Variants in SEMA3E observed in about 807,000 individuals in gnomAD.
The protein encoded by SEMA3E is semaphorin 3E.
Under a neutral mutation model 93.6 loss-of-function variants are expected in SEMA3E, and 49 were observed. The ratio of observed to expected loss-of-function variants is 0.52; its 90% CI spans 0.42 to 0.66. The LOEUF is 0.66. SEMA3E is among the 30% of genes least tolerant of loss of function. SEMA3E has a pLI of 0.00. For missense variants in SEMA3E, 906 were observed against 964.8 expected (o/e 0.94, Z 0.81); for synonymous variants, 363 against 330.7 (o/e 1.10, Z -1.06).
Position 83,411,028 on chromosome 7 carries a change from C to T in SEMA3E, c.551-2541G>A, listed in dbSNP as rs115219566. On this transcript the variant is annotated intron_variant, in intron 5 of 16. Coordinates refer to ENST00000643230, the MANE Select transcript of SEMA3E (RefSeq NM_012431.3). ...ATTTTATATCTTAAAGTATTTTAGACTTTGATAATTGAAAATATTTTTATG... is the reference window on the plus strand; with the variant it reads ...ATTTTATATCTTAAAGTATTTTAGATTTTGATAATTGAAAATATTTTTATG... 4.1e-3 allele frequency among the ~76,000 whole-genome samples: 625 copies of T among 151,872 alleles called. 7 individuals carry two copies. The highest frequency in any genetic ancestry group is 0.014 in the African/African-American group (598 of 41,438).
At chr7:83,631,318 G>A (rs2115673635) in intron 1 of SEMA3E, among the ~76,000 whole-genome samples, 1 of 152,064 alleles carries the variant, frequency 6.6e-6, no homozygotes, top group South Asian at 2.1e-4. Context: ...GACATTTATT[G>A]GTCTACATCA....
intron 4 of SEMA3E, among the ~76,000 whole-genome samples, chr7:83,446,568 A>C (rs1789234881): frequency 2.0e-5 from 3 of 152,218 alleles, no homozygotes; most frequent in Admixed American, 6.5e-5. Context: ...TGAAGATCAA[A>C]TTGAAAGAGT....
chr7:83,606,380 A>C (rs1381806470), intron 1 of SEMA3E, among the ~76,000 whole-genome samples: 1 of 152,002 alleles, frequency 6.6e-6, no homozygotes, highest in African/African-American at 2.4e-5. Context: ...CAACAATGAT[A>C]GACTGGATTA....
intron 1 of SEMA3E, among the ~76,000 whole-genome samples, chr7:83,541,013 C>T (rs1377680211): frequency 1.3e-5 from 2 of 152,100 alleles, no homozygotes; most frequent in Non-Finnish European, 2.9e-5. Context: ...AGATGAGTTG[C>T]CAAGATCCTC....
intron 1 of SEMA3E, among the ~76,000 whole-genome samples, chr7:83,579,131 AGTTAT>A (rs1792468781): frequency 6.6e-6 from 1 of 152,158 alleles, no homozygotes; most frequent in African/African-American, 2.4e-5. Flanking sequence ...TGAATTGAGT[AGTTAT>A]GTTAGGTTTC....
At chr7:83,488,509 G>A (rs1019728477) in intron 2 of SEMA3E, among the ~76,000 whole-genome samples, 13 of 152,022 alleles carry the variant, frequency 8.6e-5, no homozygotes, top group African/African-American at 1.2e-4. Flanking sequence ...ACAATGGAGC[G>A]GTATCCTCAA....
intron 1 of SEMA3E, among the ~76,000 whole-genome samples, chr7:83,600,548 C>T (rs1351957268): frequency 7.7e-6 from 1 of 129,804 alleles, no homozygotes; most frequent in African/African-American, 3.0e-5. Context: ...GGGGTTTCAC[C>T]GTGTTAGCCA....
At chr7:83,603,207 G>T (rs1187931236) in intron 1 of SEMA3E, among the ~76,000 whole-genome samples, 2 of 152,096 alleles carry the variant, frequency 1.3e-5, no homozygotes, top group African/African-American at 4.8e-5. Context: ...TACTGTGAAT[G>T]TGTACATCAA....
intron 1 of SEMA3E, among the ~76,000 whole-genome samples, chr7:83,624,294 C>T (rs1332413868): frequency 2.0e-5 from 3 of 152,114 alleles, no homozygotes; most frequent in Non-Finnish European, 4.4e-5. Flanking sequence ...CTTGAGGAAT[C>T]GTCACACTGT....
intron 1 of SEMA3E, among the ~76,000 whole-genome samples, chr7:83,517,373 G>T (rs896927088): frequency 4.6e-5 from 7 of 152,152 alleles, no homozygotes; most frequent in Non-Finnish European, 8.8e-5. Context: ...AACGTTGAAA[G>T]CTTTACCCAA....
chr7:83,510,273 G>T (rs928708061), intron 1 of SEMA3E, among the ~76,000 whole-genome samples: 1 of 152,048 alleles, frequency 6.6e-6, no homozygotes, highest in Admixed American at 6.6e-5. Flanking sequence ...AGATAATAAG[G>T]CATTGTCTTC....
At chr7:83,445,262 G>A (rs1339473474) in intron 4 of SEMA3E, among the ~76,000 whole-genome samples, 1 of 152,216 alleles carries the variant, frequency 6.6e-6, no homozygotes, top group Non-Finnish European at 1.5e-5. Context: ...AAATCAGCTT[G>A]TAGGTTAAGT....
chr7:83,388,314 T>A (rs548841823), intron 14 of SEMA3E, among the ~76,000 whole-genome samples: 402 of 53,656 alleles, frequency 7.5e-3, no homozygotes, highest in Non-Finnish European at 0.02. Flanking sequence ...TCTCAAAAAA[T>A]AAAAAAATAA....
At chr7:83,539,473 G>T (rs920741111) in intron 1 of SEMA3E, among the ~76,000 whole-genome samples, 5 of 152,224 alleles carry the variant, frequency 3.3e-5, no homozygotes, top group Non-Finnish European at 7.4e-5. Context: ...CCCAATTTTT[G>T]ATAATCTCGT....
intron 4 of SEMA3E, among the ~76,000 whole-genome samples, chr7:83,440,801 CA>C (rs55851135): frequency 0.51 from 62,458 of 123,428 alleles, 14,997 homozygotes; most frequent in African/African-American, 0.62. Flanking sequence ...GACTCCGTCT[CA>C]AAAAAAAAAA....
chr7:83,363,444 A>T lies in SEMA3E; in HGVS notation c.*4142T>A, dbSNP rs1584191665. The T allele has an allele frequency of 6.6e-6, 1 of 152,158 alleles. No homozygotes were observed. Among genetic ancestry groups the T allele is most frequent in the East Asian group, 1.9e-4 (1 of 5,180 alleles). The allele number at this position is 152,158 out of a possible 1,614,324, so 9.4% of individuals were successfully genotyped here. On this transcript the variant is annotated 3_prime_UTR_variant, in exon 17 of 17. Transcript: ENST00000643230. The stretch of plus-strand genomic sequence containing the variant: ...AAAGAATATGGCACACACTGTTATG[A>T]ACCCAGCCAAGCAAATAAAAGGATA...
chr7:83,594,403 G>A (rs767214418), intron 1 of SEMA3E, among the ~76,000 whole-genome samples: 2 of 152,032 alleles, frequency 1.3e-5, no homozygotes, highest in African/African-American at 2.4e-5. Context: ...GTAAACAAAC[G>A]AACCATTTCC....
intron 1 of SEMA3E, among the ~76,000 whole-genome samples, chr7:83,639,232 C>G (rs1462879433): frequency 6.6e-6 from 1 of 150,514 alleles, no homozygotes; most frequent in Non-Finnish European, 1.5e-5. Context: ...GGACCACACT[C>G]TGTGTAGCAT....
At chr7:83,573,118 C>T (rs1401507501) in intron 1 of SEMA3E, among the ~76,000 whole-genome samples, 4 of 145,356 alleles carry the variant, frequency 2.8e-5, no homozygotes, top group Non-Finnish European at 6.0e-5. Context: ...TACAGACAGC[C>T]TACAGACAGA....
Sources: allele counts gnomAD v4.1 joint callset (sites outside exome capture counted in the v4.1 genomes callset), GRCh38; gene constraint gnomAD v4.1.1; transcripts MANE v1.5; gene names NCBI Gene and HGNC (gene_info 2026-07-23, HGNC 2026-07-21).